The following KCNH7 variants were observed in gnomAD, a reference collection of about 807,000 sequenced individuals.
The protein encoded by KCNH7 is voltage-gated inwardly rectifying potassium channel KCNH7.
KCNH7 carries 49 observed loss-of-function variants against 120.8 expected under a neutral mutation model. The observed-to-expected ratio is 0.41, with a 90% CI of 0.32 to 0.51. KCNH7 has a LOEUF of 0.51. Ranked by LOEUF, KCNH7 falls within the 20% of genes least tolerant of loss-of-function variation. KCNH7 has a pLI of 0.38. For missense variants in KCNH7, 1,097 were observed against 1,446.6 expected, an observed-to-expected ratio of 0.76 and a Z score of 3.92; for synonymous variants, 547 against 516.1, an observed-to-expected ratio of 1.06 and a Z score of -0.81.
In KCNH7 at chr2:162,526,622, C is replaced by T. The variant is rs369427325; in HGVS notation, c.464-8464G>A. On this transcript the variant is annotated intron_variant, in intron 3 of 15. Coordinates refer to ENST00000332142, the MANE Select transcript of KCNH7 (RefSeq NM_033272.4). ...AAAGAAGAGAAATATGGCTCTGTTC[C>T]GCCTGGCTCACCGGCGGTCAGAGTT... Among the ~76,000 whole-genome samples the T allele has an allele frequency of 9.9e-5, 15 of 152,044 alleles. 1 individual carries two copies. In the South Asian group the frequency reaches 2.7e-3, roughly 27 times the overall value.
chr2:162,819,212 A>T (rs929434202), intron 2 of KCNH7, among the ~76,000 whole-genome samples: 2 of 152,186 alleles, frequency 1.3e-5, no homozygotes, highest in Non-Finnish European at 2.9e-5. Context: ...TCTATTAGAT[A>T]ATAGTATTGT....
At chr2:162,400,968 T>C (rs1283705005) in intron 9 of KCNH7, among the ~76,000 whole-genome samples, 1 of 151,936 alleles carries the variant, frequency 6.6e-6, no homozygotes, top group Non-Finnish European at 1.5e-5. Context: ...TTACAGTATT[T>C]GGAATATTTA....
chr2:162,639,586 A>C (rs1351222263), intron 2 of KCNH7, among the ~76,000 whole-genome samples: 1 of 152,136 alleles, frequency 6.6e-6, no homozygotes, highest in African/African-American at 2.4e-5. Flanking sequence ...AAAATAGCTG[A>C]CATAAAAGCT....
At chr2:162,415,049 T>C (rs1687499591) in intron 9 of KCNH7, among the ~76,000 whole-genome samples, 1 of 152,054 alleles carries the variant, frequency 6.6e-6, no homozygotes, top group Non-Finnish European at 1.5e-5. Flanking sequence ...TATTTAACAA[T>C]GTATAGCTAA....
At chr2:162,400,049 T>A (rs770614514) in intron 10 of KCNH7, 140 bp downstream of exon 10, 157 of 939,718 alleles carry the variant, frequency 1.7e-4, no homozygotes, top group South Asian at 6.2e-4. Flanking sequence ...GAACTGAATT[T>A]TAAATGCAGC....
chr2:162,494,927 T>C (rs1190493677), intron 6 of KCNH7, among the ~76,000 whole-genome samples: 1 of 152,182 alleles, frequency 6.6e-6, no homozygotes, highest in African/African-American at 2.4e-5. Flanking sequence ...TTACTTAAAA[T>C]GTTGTTGATC....
chr2:162,460,472 G>A (rs559195360), intron 6 of KCNH7, among the ~76,000 whole-genome samples: 8 of 152,240 alleles, frequency 5.3e-5, no homozygotes, highest in Admixed American at 3.3e-4. Flanking sequence ...TTAGAATTCC[G>A]CTTAGTTCAT....
At chr2:162,823,075 C>G (rs76509739) in intron 2 of KCNH7, among the ~76,000 whole-genome samples, 3,939 of 152,214 alleles carry the variant, frequency 0.026, 166 homozygotes, top group African/African-American at 0.089. Context: ...TGAGGTGGTA[C>G]AGTAGAGTGC....
chr2:162,833,946 C>G (rs1172271919), intron 2 of KCNH7, among the ~76,000 whole-genome samples: 1 of 151,954 alleles, frequency 6.6e-6, no homozygotes, highest in Non-Finnish European at 1.5e-5. Context: ...TTGTGAAATG[C>G]TAAATAAAGA....
rs754786873 is a variant in KCNH7, at chr2:162,504,617, T to C, written c.954A>G (p.Thr318=). ...TGTATTTGTTGAGGTTTGAATCTGA[T>C]GTGGATCCCAGGAGGCTTGACTTGA... ...NHIKSSLLGS[T]SDSNLNKYST... is the part of the protein sequence containing the mutation. Residue 318 remains threonine, a synonymous_variant, in exon 6 of 16, where the codon ACA becomes ACG. Transcript: ENST00000332142. 7 of 1,612,786 alleles carry C rather than the reference T, an allele frequency of 4.3e-6. No homozygotes were observed. The Admixed American group carries it at 6.7e-5, about 15-fold the overall frequency.
At chr2:162,544,677 T>C (rs982795826) in intron 2 of KCNH7, among the ~76,000 whole-genome samples, 1 of 152,092 alleles carries the variant, frequency 6.6e-6, no homozygotes, top group Non-Finnish European at 1.5e-5. Flanking sequence ...TTACAGCTCT[T>C]CCCACTTCTT....
intron 2 of KCNH7, among the ~76,000 whole-genome samples, chr2:162,690,161 T>C (rs886859647): frequency 6.6e-6 from 1 of 152,096 alleles, no homozygotes; most frequent in African/African-American, 2.4e-5. Context: ...TTCTCACTTA[T>C]AAGTGGGAGC....
At chr2:162,830,108 T>C (rs1685422440) in intron 2 of KCNH7, among the ~76,000 whole-genome samples, 1 of 152,188 alleles carries the variant, frequency 6.6e-6, no homozygotes, top group African/African-American at 2.4e-5. Context: ...GAAGTGCAGA[T>C]AGTGGGAACA....
intron 3 of KCNH7, among the ~76,000 whole-genome samples, chr2:162,526,860 A>T (rs1691723538): frequency 6.6e-6 from 1 of 152,076 alleles, no homozygotes; most frequent in Non-Finnish European, 1.5e-5. Flanking sequence ...GGAAATCACA[A>T]GGATATTGAT....
At chr2:162,435,849 T>C (rs1688217446) in intron 7 of KCNH7, among the ~76,000 whole-genome samples, 1 of 152,132 alleles carries the variant, frequency 6.6e-6, no homozygotes, top group African/African-American at 2.4e-5. Context: ...CTGTCTTGTT[T>C]TATGTTCTAA....
chr2:162,416,375 G>GA (rs962524373), intron 9 of KCNH7, among the ~76,000 whole-genome samples: 897 of 65,672 alleles, frequency 0.014, 4 homozygotes, highest in East Asian at 0.027. Context: ...TCCGTCTCTA[G>GA]AAAAAAAAAA....
At chr2:162,739,778 T>C (rs1447391478) in intron 2 of KCNH7, among the ~76,000 whole-genome samples, 2 of 152,076 alleles carry the variant, frequency 1.3e-5, no homozygotes, top group African/African-American at 2.4e-5. Flanking sequence ...GATTCTACTA[T>C]GAGAAATACA....
At position 162,793,340 on chromosome 2, in the gene KCNH7, A is replaced by T. The variant is rs538401905; in HGVS notation, c.307+43197T>A. Among the ~76,000 whole-genome samples, 3 of 152,074 alleles carry T rather than the reference A, an allele frequency of 2.0e-5. No individual in the cohort carries two copies. The South Asian group carries it at 6.2e-4, about 32-fold the overall frequency. ...AGGGAGGGGATCAGCAAAAATTACT[A>T]ATGTGTACTAGGCTTAATACCTGGG... On this transcript the variant is annotated intron_variant, in intron 2 of 15. Coordinates refer to ENST00000332142, the MANE Select transcript of KCNH7 (RefSeq NM_033272.4).
chr2:162,823,088 A>T lies in KCNH7; in HGVS notation c.307+13449T>A, dbSNP rs368566590. Reference sequence around the variant, plus strand: ...GGTGAGGTGGTACAGTAGAGTGCTGAGCACACAGGCTCTAAAAGAAGACAG... The same window carrying T: ...GGTGAGGTGGTACAGTAGAGTGCTGTGCACACAGGCTCTAAAAGAAGACAG... On this transcript the variant is annotated intron_variant, in intron 2 of 15. Transcript: ENST00000332142. 5.9e-5 allele frequency among the ~76,000 whole-genome samples: 9 copies of T among 152,332 alleles called. No homozygotes were observed. In the South Asian group the frequency reaches 1.9e-3, roughly 32 times the overall value.
Sources: gnomAD v4.1 joint callset for allele counts (sites outside exome capture counted in the v4.1 genomes callset) on GRCh38, gnomAD v4.1.1 for gene constraint, MANE v1.5 for transcripts, NCBI Gene and HGNC (gene_info 2026-07-23, HGNC 2026-07-21) for gene names.